Variants in PIP4K2B observed in about 807,000 individuals in gnomAD.
The protein encoded by PIP4K2B is phosphatidylinositol-5-phosphate 4-kinase type 2 beta, also known as phosphatidylinositol 5-phosphate 4-kinase type-2 beta.
Under a neutral mutation model 42.0 loss-of-function variants are expected in PIP4K2B, and 3 were observed. That is an observed-to-expected ratio of 0.07 (90% CI 0.03 to 0.18). The LOEUF is 0.18. Among genes scored for constraint, PIP4K2B ranks in the 10% least tolerant of loss-of-function variants. The probability of loss-of-function intolerance (pLI) is 1.00; values close to 1 mark genes in which losing one functional copy is unlikely to be tolerated. For missense variants in PIP4K2B, 332 were observed against 562.3 expected, an observed-to-expected ratio of 0.59 and a Z score of 4.14; for synonymous variants, 204 against 210.1, an observed-to-expected ratio of 0.97 and a Z score of 0.25.
chr17:38,793,303 C>T (rs1233657365), intron 1 of PIP4K2B, among the ~76,000 whole-genome samples: 5 of 149,760 alleles, frequency 3.3e-5, no homozygotes, highest in African/African-American at 1.2e-4. Context: ...GAGTGCAATG[C>T]CGCCATCTTG....
At position 38,781,041 on chromosome 17, in the gene PIP4K2B, C is replaced by T. The variant is rs188140689; in HGVS notation, c.355-437G>A. Among the ~76,000 whole-genome samples, 9 of 152,268 alleles carry T rather than the reference C, an allele frequency of 5.9e-5. No homozygotes were observed. The East Asian group carries it at 1.7e-3, about 29-fold the overall frequency. ...TGCAGACTGAGCTGATTCTCCCAGTCTCTTGGGGGTAGCAAAGATGAAGCT... is the reference window on the plus strand; with the variant it reads ...TGCAGACTGAGCTGATTCTCCCAGTTTCTTGGGGGTAGCAAAGATGAAGCT... On this transcript the variant is annotated intron_variant, in intron 3 of 9. Coordinates refer to ENST00000619039, the MANE Select transcript of PIP4K2B (RefSeq NM_003559.5).
At chr17:38,784,446 G>T in intron 2 of PIP4K2B, 107 bp from the exon 3 acceptor site, 1 of 648,440 alleles carries the variant, frequency 1.5e-6, no homozygotes, top group Non-Finnish European at 2.6e-6. Context: ...ATGTTGCCCA[G>T]ACTGGTCTTG....
chr17:38,782,204 T>C (rs1909754109), intron 3 of PIP4K2B, among the ~76,000 whole-genome samples: 4 of 152,204 alleles, frequency 2.6e-5, no homozygotes, highest in Admixed American at 2.6e-4. Context: ...CTGGCCTCTC[T>C]ACCATAAGAC....
chr17:38,777,141 T>C (rs919069913), intron 7 of PIP4K2B, among the ~76,000 whole-genome samples: 1 of 152,190 alleles, frequency 6.6e-6, no homozygotes, highest in Non-Finnish European at 1.5e-5. Context: ...CACAGCTCAC[T>C]GCAGCCTCAT....
intron 7 of PIP4K2B, chr17:38,776,632 A>C (rs754268932): frequency 4.7e-5 from 21 of 445,938 alleles, no homozygotes; most frequent in Middle Eastern, 6.5e-4. Context: ...TCTCCTAAAA[A>C]AAAACAAAAC....
intron 3 of PIP4K2B, among the ~76,000 whole-genome samples, chr17:38,781,667 C>A (rs774492689): frequency 6.6e-6 from 1 of 151,950 alleles, no homozygotes; most frequent in East Asian, 1.9e-4. Flanking sequence ...CAGGTGTGCA[C>A]CAACATGCCC....
At position 38,768,373 on chromosome 17, in the gene PIP4K2B, G is replaced by C. The variant is rs1338441044; in HGVS notation, c.*1318C>G. The C allele has an allele frequency of 6.5e-6, 1 of 152,884 alleles. No homozygotes were observed. Among genetic ancestry groups the C allele is most frequent in the Non-Finnish European group, 1.5e-5 (1 of 68,070 alleles). 9.5% of individuals were successfully genotyped at this position (152,884 alleles called of 1,614,324 possible). A position where few individuals can be genotyped will look rare whatever the true frequency, so the allele number is the denominator to read the frequency against. On this transcript the variant is annotated 3_prime_UTR_variant, in exon 10 of 10. Transcript: ENST00000619039. ...CTTCCAAAAAAGCCTGTGGGCTGCA[G>C]ATCTGCTAAAAGTCTAGAGCGGGGC...
At chr17:38,793,111 T>G (rs1910427767) in intron 1 of PIP4K2B, among the ~76,000 whole-genome samples, 1 of 152,106 alleles carries the variant, frequency 6.6e-6, no homozygotes, top group African/African-American at 2.4e-5. Flanking sequence ...GTATTTTTAG[T>G]AGAGACAGGG....
At chr17:38,795,322 T>C (rs1910596673) in intron 1 of PIP4K2B, among the ~76,000 whole-genome samples, 1 of 151,740 alleles carries the variant, frequency 6.6e-6, no homozygotes, top group South Asian at 2.1e-4. Context: ...AAGATACCAA[T>C]GAAGGCTGGG....
Position 38,766,805 on chromosome 17 carries a change from G to C in PIP4K2B, c.*2886C>G, listed in dbSNP as rs2143283783. 6.5e-6 allele frequency: 1 copy of C among 152,872 alleles called. No individual in the cohort carries two copies. The highest frequency in any genetic ancestry group is 1.5e-5 in the Non-Finnish European group (1 of 68,148). 9.5% of individuals were successfully genotyped at this position (152,872 alleles called of 1,614,324 possible). A position where few individuals can be genotyped will look rare whatever the true frequency, so the allele number is the denominator to read the frequency against. On this transcript the variant is annotated 3_prime_UTR_variant, in exon 10 of 10. Coordinates refer to ENST00000619039, the MANE Select transcript of PIP4K2B (RefSeq NM_003559.5). ...AGGGTACAGGAAAGAAGTTTGTGCTGGGGGACTCAAAGACCCAGAGGTTAA... is the reference window on the plus strand; with the variant it reads ...AGGGTACAGGAAAGAAGTTTGTGCTCGGGGACTCAAAGACCCAGAGGTTAA...
At chr17:38,788,719 G>C (rs886614919) in intron 1 of PIP4K2B, among the ~76,000 whole-genome samples, 8 of 151,906 alleles carry the variant, frequency 5.3e-5, no homozygotes, top group African/African-American at 1.9e-4. Context: ...GTGAAGCTGA[G>C]GCAGGCAGAT....
rs1908905661 is a variant in PIP4K2B at position 38,769,784 on chromosome 17, A to C, written c.1171-13T>G. On this transcript the variant is annotated splice_polypyrimidine_tract_variant and intron_variant, in intron 9 of 9. Transcript: ENST00000619039. ...TCTCGGCCCCTGCCTGTAATACACA[A>C]GAGGCTGATTCAGGTTGAGTTCCTG... is the stretch of plus-strand genomic sequence containing the variant. 1 of 1,613,760 alleles carries C rather than the reference A, an allele frequency of 6.2e-7. No individual in the cohort carries two copies. Among genetic ancestry groups the C allele is most frequent in the East Asian group, 2.2e-5 (1 of 44,878 alleles).
rs1178067670 is a variant in PIP4K2B, at chr17:38,766,146, AGAG to A, written c.*3542_*3544del. On this transcript the variant is annotated 3_prime_UTR_variant, in exon 10 of 10. Coordinates refer to ENST00000619039, the MANE Select transcript of PIP4K2B (RefSeq NM_003559.5). The stretch of plus-strand genomic sequence containing the variant: ...GCACTCTTCATAAGTGGCACATTCT[AGAG>A]GAGGGAGAGGGCCACGGTCACTGAC... The A allele has an allele frequency of 6.6e-6, 1 of 152,246 alleles. No homozygotes were observed. Among genetic ancestry groups the A allele is most frequent in the Non-Finnish European group, 1.5e-5 (1 of 68,062 alleles). The allele number at this position is 152,246 out of a possible 1,614,324, so 9.4% of individuals were successfully genotyped here.
chr17:38,785,716 G>A (rs1048646368), intron 2 of PIP4K2B, among the ~76,000 whole-genome samples: 30 of 152,254 alleles, frequency 2.0e-4, no homozygotes, highest in African/African-American at 5.8e-4. Context: ...CACATACACA[G>A]TTGTTGGAAG....
At chr17:38,781,283 C>T (rs545901582) in intron 3 of PIP4K2B, among the ~76,000 whole-genome samples, 1 of 152,060 alleles carries the variant, frequency 6.6e-6, no homozygotes, top group African/African-American at 2.4e-5. Flanking sequence ...CCCTGCTCCT[C>T]CTCAAGGTCC....
chr17:38,787,598 T>C (rs760042791), intron 1 of PIP4K2B, among the ~76,000 whole-genome samples: 4 of 152,218 alleles, frequency 2.6e-5, no homozygotes, highest in Non-Finnish European at 4.4e-5. Context: ...TATCTTTCTT[T>C]TTCTTTTTCT....
At chr17:38,786,290 C>T (rs750807818) in intron 2 of PIP4K2B, among the ~76,000 whole-genome samples, 14 of 152,108 alleles carry the variant, frequency 9.2e-5, no homozygotes, top group Non-Finnish European at 1.0e-4. Flanking sequence ...GTGTTTCCAA[C>T]AATATCTGAG....
chr17:38,793,574 G>A (rs560060319), intron 1 of PIP4K2B, among the ~76,000 whole-genome samples: 4 of 152,240 alleles, frequency 2.6e-5, no homozygotes, highest in African/African-American at 9.6e-5. Flanking sequence ...AGTAGGGCAA[G>A]ATAAAAAGAC....
chr17:38,768,492 G>C lies in PIP4K2B; in HGVS notation c.*1199C>G, dbSNP rs527756613. 2 of 152,794 alleles carry C rather than the reference G, an allele frequency of 1.3e-5. No individual in the cohort carries two copies. The highest frequency in any genetic ancestry group is 2.1e-4 in the South Asian group (1 of 4,826). 9.5% of individuals were successfully genotyped at this position (152,794 alleles called of 1,614,324 possible). ...CTGGATCACATCCTCATGTAACTAGGAAGCCACCTCACGTTTGGACACCAC... is the reference window on the plus strand; with the variant it reads ...CTGGATCACATCCTCATGTAACTAGCAAGCCACCTCACGTTTGGACACCAC... On this transcript the variant is annotated 3_prime_UTR_variant, in exon 10 of 10. Coordinates refer to ENST00000619039, the MANE Select transcript of PIP4K2B (RefSeq NM_003559.5).
Sources: allele counts gnomAD v4.1 joint callset (sites outside exome capture counted in the v4.1 genomes callset), GRCh38; gene constraint gnomAD v4.1.1; transcripts MANE v1.5; gene names NCBI Gene and HGNC (gene_info 2026-07-23, HGNC 2026-07-21).